The following FBXW7 variants were observed in gnomAD, a reference collection of about 807,000 sequenced individuals.
FBXW7 encodes F-box and WD repeat domain containing 7.
In FBXW7, 11 loss-of-function variants were observed where a neutral mutation model predicts 86.3. The observed-to-expected ratio is 0.13, with a 90% CI of 0.08 to 0.21. FBXW7 has a LOEUF of 0.21. FBXW7 is among the 10% of genes least tolerant of loss of function. FBXW7 has a pLI of 1.00. For missense variants in FBXW7, 488 were observed against 847.4 expected (o/e 0.58, Z 5.27); for synonymous variants, 313 against 297.9 (o/e 1.05, Z -0.52).
Position 152,321,438 on chromosome 4 carries a change from CAA to C in FBXW7, c.*1441_*1442del, listed in dbSNP as rs563825897. ...TAAATCAGACTATAAATAAAACAAA[CAA>C]AAAAATAAACAGAAGGAGGAAAAAA... On this transcript the variant is annotated 3_prime_UTR_variant, in exon 14 of 14. Transcript: ENST00000281708. The C allele has an allele frequency of 1.1e-4, 25 of 232,512 alleles. No homozygotes were observed. The highest frequency in any genetic ancestry group is 2.4e-4 in the East Asian group (4 of 16,452). 14.4% of individuals were successfully genotyped at this position (232,512 alleles called of 1,614,324 possible).
intron 4 of FBXW7, among the ~76,000 whole-genome samples, chr4:152,375,430 TCA>T (rs1451195252): frequency 2.0e-5 from 3 of 152,024 alleles, no homozygotes; most frequent in Non-Finnish European, 4.4e-5. Flanking sequence ...AAAACACAGA[TCA>T]CAGTTTTAAA....
At chr4:152,433,837 AT>A (rs1426849013) in intron 2 of FBXW7, among the ~76,000 whole-genome samples, 2 of 152,222 alleles carry the variant, frequency 1.3e-5, no homozygotes, top group African/African-American at 2.4e-5. Context: ...TGAAAAAAAA[AT>A]GATTGACTAT....
chr4:152,389,401 A>C (rs1173503456), intron 4 of FBXW7, among the ~76,000 whole-genome samples: 3 of 151,906 alleles, frequency 2.0e-5, no homozygotes, highest in Non-Finnish European at 1.5e-5. Flanking sequence ...ATATATGTTT[A>C]CACACACACA....
intron 2 of FBXW7, among the ~76,000 whole-genome samples, chr4:152,456,385 A>G (rs892513453): frequency 1.3e-4 from 19 of 150,138 alleles, no homozygotes; most frequent in Non-Finnish European, 2.2e-4. Flanking sequence ...AAAAAAAAAA[A>G]AACAGCCAAG....
At chr4:152,367,845 CA>C (rs1475139471) in intron 4 of FBXW7, among the ~76,000 whole-genome samples, 1 of 151,710 alleles carries the variant, frequency 6.6e-6, no homozygotes, top group Non-Finnish European at 1.5e-5. Flanking sequence ...AAGACTACGA[CA>C]ACACAAGTTG....
At chr4:152,506,226 G>C (rs1357726977) in intron 2 of FBXW7, among the ~76,000 whole-genome samples, 1 of 152,056 alleles carries the variant, frequency 6.6e-6, no homozygotes, top group Non-Finnish European at 1.5e-5. Flanking sequence ...CTGCCTCCCA[G>C]GTTCCCGTCA....
chr4:152,409,708 T>C (rs997804945), intron 4 of FBXW7, among the ~76,000 whole-genome samples: 13 of 149,660 alleles, frequency 8.7e-5, no homozygotes, highest in African/African-American at 2.9e-4. Context: ...TACACACTTA[T>C]ATAATAAATG....
At chr4:152,337,987 AC>A in intron 6 of FBXW7, 51 bp from the exon 7 acceptor site, 1 of 1,548,140 alleles carries the variant, frequency 6.5e-7, no homozygotes, top group Non-Finnish European at 8.7e-7. Context: ...GTCCCAAATT[AC>A]AGGCTTATAA....
At chr4:152,348,740 T>C (rs1344272641) in intron 5 of FBXW7, 1 of 1,129,166 alleles carries the variant, frequency 8.9e-7, no homozygotes. Context: ...TAACAGTTAG[T>C]TTAACATTAA....
chr4:152,473,120 T>A (rs1394949275), intron 2 of FBXW7, among the ~76,000 whole-genome samples: 1 of 152,166 alleles, frequency 6.6e-6, no homozygotes, highest in Non-Finnish European at 1.5e-5. Flanking sequence ...GATGTACACC[T>A]GTAGTCCCAG....
chr4:152,407,681 T>C (rs1737543278), intron 4 of FBXW7, among the ~76,000 whole-genome samples: 2 of 152,288 alleles, frequency 1.3e-5, no homozygotes, highest in South Asian at 4.1e-4. Context: ...GAAAGGGTCT[T>C]ACGCCTCTAA....
intron 2 of FBXW7, among the ~76,000 whole-genome samples, chr4:152,413,056 A>C (rs1436741380): frequency 2.6e-5 from 4 of 152,098 alleles, no homozygotes; most frequent in Non-Finnish European, 4.4e-5. Flanking sequence ...GTGCACACAC[A>C]AGAAATTATG....
In FBXW7 at chr4:152,329,655, A is replaced by AG. The variant is rs1156316255; in HGVS notation, c.1236+16dup. The AG allele has an allele frequency of 5.1e-6, 7 of 1,366,658 alleles. No homozygotes were observed. Among genetic ancestry groups the AG allele is most frequent in the Non-Finnish European group, 6.1e-6 (6 of 991,648 alleles). 84.7% of individuals were successfully genotyped at this position (1,366,658 alleles called of 1,614,324 possible). ...ACAAAATTATGACTTTGTGAAGTGT[A>AG]GGAAGAGTAAACTTACTTTGCCTGT... On this transcript the variant is annotated intron_variant, in intron 10 of 13. Transcript: ENST00000281708.
intron 4 of FBXW7, among the ~76,000 whole-genome samples, chr4:152,395,874 A>G (rs946490813): frequency 6.6e-5 from 10 of 152,090 alleles, no homozygotes; most frequent in African/African-American, 2.2e-4. Context: ...TATGGGTCAA[A>G]CCAACCCACG....
chr4:152,486,458 A>AT (rs748097216), intron 2 of FBXW7, among the ~76,000 whole-genome samples: 74 of 152,230 alleles, frequency 4.9e-4, no homozygotes, highest in South Asian at 1.0e-3. Flanking sequence ...AGCCTTTTCT[A>AT]TTTTAAAAAA....
chr4:152,474,444 CACAG>C (rs1370377744), intron 2 of FBXW7, among the ~76,000 whole-genome samples: 6 of 152,130 alleles, frequency 3.9e-5, no homozygotes, highest in Non-Finnish European at 8.8e-5. Flanking sequence ...TTTTAAAAAG[CACAG>C]ACAACTAGTC....
At chr4:152,481,287 ATTTT>A (rs550813299) in intron 2 of FBXW7, among the ~76,000 whole-genome samples, 43 of 152,338 alleles carry the variant, frequency 2.8e-4, no homozygotes, top group African/African-American at 9.6e-4. Flanking sequence ...TTTGCCGAAT[ATTTT>A]AAGTCCACTG....
At chr4:152,451,369 C>A (rs767179865) in intron 2 of FBXW7, among the ~76,000 whole-genome samples, 2 of 152,194 alleles carry the variant, frequency 1.3e-5, no homozygotes, top group South Asian at 4.1e-4. Flanking sequence ...AAGGTGATCA[C>A]TTCTCTTAAA....
intron 2 of FBXW7, among the ~76,000 whole-genome samples, chr4:152,515,289 G>A (rs1158167661): frequency 1.3e-5 from 2 of 152,138 alleles, no homozygotes; most frequent in Non-Finnish European, 2.9e-5. Flanking sequence ...AAACTAATTT[G>A]TAGTAATAAA....
Sources: allele counts gnomAD v4.1 joint callset (sites outside exome capture counted in the v4.1 genomes callset), GRCh38; gene constraint gnomAD v4.1.1; transcripts MANE v1.5; gene names NCBI Gene and HGNC (gene_info 2026-07-23, HGNC 2026-07-21).